The following KDM1B variants were observed in gnomAD, a reference collection of about 807,000 sequenced individuals.
The protein encoded by KDM1B is lysine demethylase 1B.
Under a neutral mutation model 107.4 loss-of-function variants are expected in KDM1B, and 63 were observed. That is an observed-to-expected ratio of 0.59 (90% CI 0.48 to 0.72). The LOEUF is 0.72. Among genes scored for constraint, KDM1B ranks in the 30% least tolerant of loss-of-function variants. The probability of loss-of-function intolerance (pLI) is 0.00; values close to 1 mark genes in which losing one functional copy is unlikely to be tolerated. For missense variants in KDM1B, 749 were observed against 1,020.8 expected (o/e 0.73, Z 3.63); for synonymous variants, 363 against 363.9 (o/e 1.00, Z 0.03).
In KDM1B at chr6:18,197,084, C is replaced by T; in HGVS notation, c.997C>T (p.Pro333Ser). Residue 333 changes from proline (P) to serine (S), a missense_variant, in exon 11 of 22, where the codon CCT becomes TCT. By Grantham distance (74) the Pro-to-Ser change is moderately conservative. Coordinates refer to ENST00000650836, the MANE Select transcript of KDM1B (RefSeq NM_001364614.2). The surrounding 1 kb of genome is among the most constrained non-coding windows in gnomAD (Gnocchi z 4.5). ...AGCTCTTACTCCTCAGAAATGTATT[C>T]CTCACATCATCGTCCGGGGTCTCGT... is the stretch of plus-strand genomic sequence containing the variant. ...KEALTPQKCI[P>S]HIIVRGLVRI... The T allele has an allele frequency of 1.9e-6, 3 of 1,613,788 alleles. No individual in the cohort carries two copies. The highest frequency in any genetic ancestry group is 2.5e-6 in the Non-Finnish European group (3 of 1,179,788).
chr6:18,158,403 G>A (rs1296184503), intron 2 of KDM1B, among the ~76,000 whole-genome samples: 1 of 151,172 alleles, frequency 6.6e-6, no homozygotes, highest in Non-Finnish European at 1.5e-5. Context: ...CAATGTAGAT[G>A]GCAAAATGAG....
At position 18,186,771 on chromosome 6, in the gene KDM1B, G is replaced by T. The variant is rs1786883979; in HGVS notation, c.573+961G>T. ...GGAAGGAGAAGTGTCAAGCAAAGGGGGAAAAGCCCCTTGTAAAACCATCAG... is the reference window on the plus strand; with the variant it reads ...GGAAGGAGAAGTGTCAAGCAAAGGGTGAAAAGCCCCTTGTAAAACCATCAG... On this transcript the variant is annotated intron_variant, in intron 8 of 21. Coordinates refer to ENST00000650836, the MANE Select transcript of KDM1B (RefSeq NM_001364614.2). The surrounding 1 kb of genome is among the most constrained non-coding windows in gnomAD (Gnocchi z 5.6). 6.6e-6 allele frequency among the ~76,000 whole-genome samples: 1 copy of T among 152,012 alleles called. No homozygotes were observed.
rs1432365493 is a variant in KDM1B at position 18,222,443 on chromosome 6, T to C, written c.*451T>C. ...TTATCAGTATCTTTACCAATGAGCC[T>C]TAATTTTTATATAGGTCCAATATTG... On this transcript the variant is annotated 3_prime_UTR_variant, in exon 22 of 22. Coordinates refer to ENST00000650836, the MANE Select transcript of KDM1B (RefSeq NM_001364614.2). 3.6e-6 allele frequency: 1 copy of C among 279,048 alleles called. No individual in the cohort carries two copies. Among genetic ancestry groups the C allele is most frequent in the Non-Finnish European group, 7.1e-6 (1 of 141,704 alleles). 17.3% of individuals were successfully genotyped at this position (279,048 alleles called of 1,614,324 possible).
At chr6:18,177,752 T>C (rs1354966832) in intron 7 of KDM1B, among the ~76,000 whole-genome samples, 1 of 151,994 alleles carries the variant, frequency 6.6e-6, no homozygotes, top group East Asian at 1.9e-4. Flanking sequence ...GACATAGCCA[T>C]GCTCATTCCT....
intron 17 of KDM1B, 43 bp downstream of exon 17, chr6:18,208,249 G>C (rs752347374): frequency 2.8e-6 from 4 of 1,429,522 alleles, no homozygotes; most frequent in Non-Finnish European, 3.9e-6. Flanking sequence ...AACCTTTGCT[G>C]CCAGGGGCTT....
chr6:18,199,474 GT>G (rs2150970074), intron 12 of KDM1B, among the ~76,000 whole-genome samples: 1 of 152,242 alleles, frequency 6.6e-6, no homozygotes, highest in East Asian at 1.9e-4. Context: ...AGATCCAGAA[GT>G]GAAAGACTGG....
At chr6:18,188,767 C>T (rs1787060154) in intron 9 of KDM1B, among the ~76,000 whole-genome samples, 1 of 147,782 alleles carries the variant, frequency 6.8e-6, no homozygotes, top group Admixed American at 6.9e-5. Context: ...GCACGTGCCA[C>T]TACAGCTGGT....
chr6:18,215,913 A>G (rs1313159223), intron 20 of KDM1B, among the ~76,000 whole-genome samples: 2 of 151,976 alleles, frequency 1.3e-5, no homozygotes, highest in Non-Finnish European at 2.9e-5. Flanking sequence ...GGAGCTCAGG[A>G]TACTTTGTTT....
rs551171360 is a variant in KDM1B, at chr6:18,201,914, C to G, written c.1531+257C>G. 9.4e-4 allele frequency among the ~76,000 whole-genome samples: 143 copies of G among 152,222 alleles called. No individual in the cohort carries two copies. The highest frequency in any genetic ancestry group is 3.4e-4 in the Non-Finnish European group (23 of 68,006). On this transcript the variant is annotated intron_variant, in intron 14 of 21. Transcript: ENST00000650836. This position sits in a 1 kb window ranked among gnomAD's most constrained non-coding sequence, Gnocchi z 4.3. Reference sequence around the variant, plus strand: ...AATAGCTGGTGTTTTACAAAATTACCTACGTGTTTAATTTTAAATTTCCCA... The same window carrying G: ...AATAGCTGGTGTTTTACAAAATTACGTACGTGTTTAATTTTAAATTTCCCA...
chr6:18,170,975 C>CTGT (rs1229749822), intron 6 of KDM1B, among the ~76,000 whole-genome samples: 31 of 152,092 alleles, frequency 2.0e-4, no homozygotes, highest in Admixed American at 5.2e-4. Flanking sequence ...CGCCCGCCAC[C>CTGT]ACGCCTGGCT....
rs1382710745 is a variant in KDM1B at position 18,209,020 on chromosome 6, G to A, written c.1866+814G>A. ...AAGAAATCTATTTTACTTTTATTCT[G>A]TGCTCTCCACATTTTTTTAAACCAC... On this transcript the variant is annotated intron_variant, in intron 17 of 21. Coordinates refer to ENST00000650836, the MANE Select transcript of KDM1B (RefSeq NM_001364614.2). This position sits in a 1 kb window ranked among gnomAD's most constrained non-coding sequence, Gnocchi z 4.3. 2.0e-5 allele frequency among the ~76,000 whole-genome samples: 3 copies of A among 152,020 alleles called. No homozygotes were observed. The highest frequency in any genetic ancestry group is 6.6e-5 in the Admixed American group (1 of 15,254).
At chr6:18,182,836 T>TATC (rs1443902849) in intron 7 of KDM1B, among the ~76,000 whole-genome samples, 1 of 152,216 alleles carries the variant, frequency 6.6e-6, no homozygotes, top group Non-Finnish European at 1.5e-5. Flanking sequence ...TAGCCCTTCA[T>TATC]TCTCTTCAAT....
In KDM1B at chr6:18,222,908, A is replaced by G. The variant is rs1453740147; in HGVS notation, c.*916A>G. 2 of 152,644 alleles carry G rather than the reference A, an allele frequency of 1.3e-5. No homozygotes were observed. The highest frequency in any genetic ancestry group is 6.5e-5 in the Admixed American group (1 of 15,290). 9.5% of individuals were successfully genotyped at this position (152,644 alleles called of 1,614,324 possible). On this transcript the variant is annotated 3_prime_UTR_variant, in exon 22 of 22. Transcript: ENST00000650836. Reference sequence around the variant, plus strand: ...ATTTTTGCAGATTTTTCTTTACAGTATTCCATAGGCAGGTCCACTGGAAAA... The same window carrying G: ...ATTTTTGCAGATTTTTCTTTACAGTGTTCCATAGGCAGGTCCACTGGAAAA...
chr6:18,184,688 G>A (rs1344493957), intron 7 of KDM1B, among the ~76,000 whole-genome samples: 1 of 140,230 alleles, frequency 7.1e-6, no homozygotes, highest in Non-Finnish European at 1.5e-5. Flanking sequence ...TACAATTTAA[G>A]TGTCCATTGT....
At chr6:18,161,279 AT>A in intron 3 of KDM1B, 47 bp from the exon 4 acceptor site, 7 of 1,596,150 alleles carry the variant, frequency 4.4e-6, no homozygotes, top group Non-Finnish European at 6.0e-6. Flanking sequence ...ATCCTTAGTC[AT>A]TTTGCCATCA....
chr6:18,160,631 G>A (rs542745072), intron 3 of KDM1B, among the ~76,000 whole-genome samples: 3 of 151,786 alleles, frequency 2.0e-5, no homozygotes, highest in Non-Finnish European at 4.4e-5. Context: ...TCAGCTACTC[G>A]GGAGGCTGAG....
Position 18,221,935 on chromosome 6 carries a change from T to C in KDM1B, c.2412T>C (p.Thr804=), listed in dbSNP as rs746856827. Residue 804 remains threonine, a synonymous_variant, in exon 22 of 22, where the codon ACT becomes ACC. Transcript: ENST00000650836. The stretch of plus-strand genomic sequence containing the variant: ...CAACAAACAGGCATTTCCCACAAAC[T>C]GTTACAGGGGCATATTTGAGTGGCG... ...GEATNRHFPQ[T]VTGAYLSGVR... The C allele has an allele frequency of 6.2e-7, 1 of 1,609,970 alleles. No homozygotes were observed. Among genetic ancestry groups the C allele is most frequent in the Non-Finnish European group, 8.5e-7 (1 of 1,177,476 alleles).
In KDM1B at chr6:18,205,467, A is replaced by G; in HGVS notation, c.1532-70A>G. On this transcript the variant is annotated intron_variant, in intron 14 of 21. Coordinates refer to ENST00000650836, the MANE Select transcript of KDM1B (RefSeq NM_001364614.2). This position sits in a 1 kb window ranked among gnomAD's most constrained non-coding sequence, Gnocchi z 5.7. ...GTGTTGCTGGGTGACAGAGGTTGAA[A>G]GCAAAGGAGAAAGAATTGGAGAATC... 1 of 1,476,490 alleles carries G rather than the reference A, an allele frequency of 6.8e-7. No homozygotes were observed. Among genetic ancestry groups the G allele is most frequent in the African/African-American group, 1.4e-5 (1 of 70,212 alleles). The allele number at this position is 1,476,490 out of a possible 1,614,324, so 91.5% of individuals were successfully genotyped here. A position where few individuals can be genotyped will look rare whatever the true frequency, so the allele number is the denominator to read the frequency against.
chr6:18,165,772 A>C (rs1302043478), intron 5 of KDM1B, among the ~76,000 whole-genome samples: 1 of 152,218 alleles, frequency 6.6e-6, no homozygotes, highest in Non-Finnish European at 1.5e-5. Context: ...CAGTGAGCCA[A>C]GATTGTGCCA....
Sources: gnomAD v4.1 joint callset for allele counts (sites outside exome capture counted in the v4.1 genomes callset) on GRCh38, gnomAD v4.1.1 for gene constraint, Gnocchi (gnomAD v3.1) non-coding constraint, MANE v1.5 for transcripts, NCBI Gene and HGNC (gene_info 2026-07-23, HGNC 2026-07-21) for gene names.